The following TMTC2 variants were observed in gnomAD, a reference collection of about 807,000 sequenced individuals.
TMTC2 encodes transmembrane O-mannosyltransferase targeting cadherins 2, also known as protein O-mannosyl-transferase TMTC2.
Under a neutral mutation model 82.4 loss-of-function variants are expected in TMTC2, and 43 were observed. The ratio of observed to expected loss-of-function variants is 0.52; its 90% confidence interval spans 0.41 to 0.67. TMTC2 has a LOEUF of 0.67. Among genes scored for constraint, TMTC2 ranks in the 30% least tolerant of loss-of-function variants. The pLI, the probability that TMTC2 is intolerant of heterozygous loss-of-function variation, is 0.00. For synonymous variants in TMTC2, 408 were observed against 381.9 expected, an observed-to-expected ratio of 1.07 and a Z score of -0.80; for missense variants, 919 against 1,012.4, an observed-to-expected ratio of 0.91 and a Z score of 1.25.
intron 11 of TMTC2, among the ~76,000 whole-genome samples, chr12:83,072,901 A>G (rs2137490875): frequency 6.6e-6 from 1 of 152,192 alleles, no homozygotes; most frequent in East Asian, 1.9e-4. Context: ...TATGTTAAGT[A>G]GTCTCCTGAG....
intron 4 of TMTC2, among the ~76,000 whole-genome samples, chr12:82,942,649 C>A (rs1198250622): frequency 1.3e-5 from 2 of 151,944 alleles, no homozygotes; most frequent in Non-Finnish European, 2.9e-5. Flanking sequence ...TTAAATTATC[C>A]ATTCTTGAGT....
intron 1 of TMTC2, among the ~76,000 whole-genome samples, chr12:82,697,876 G>A (rs1872885203): frequency 1.3e-5 from 2 of 152,148 alleles, no homozygotes; most frequent in Non-Finnish European, 2.9e-5. Context: ...CCCATTTTGA[G>A]GAAATTTGGT....
intron 3 of TMTC2, among the ~76,000 whole-genome samples, chr12:82,919,503 C>G (rs796478318): frequency 9.2e-5 from 14 of 152,172 alleles, no homozygotes; most frequent in African/African-American, 3.4e-4. Flanking sequence ...TCCATCAACT[C>G]AAAAATCCAA....
At chr12:83,030,729 G>C in intron 8 of TMTC2, 69 bp from the exon 9 acceptor site, 1 of 1,248,532 alleles carries the variant, frequency 8.0e-7, no homozygotes, top group Non-Finnish European at 1.2e-6. Context: ...GGCTACTTCA[G>C]TTAGGCCCAG....
At chr12:82,960,829 TAA>T (rs34471312) in intron 4 of TMTC2, among the ~76,000 whole-genome samples, 33 of 151,728 alleles carry the variant, frequency 2.2e-4, no homozygotes, top group Non-Finnish European at 1.8e-4. Flanking sequence ...TTTTTTAATT[TAA>T]AAAAAATGTA....
chr12:82,964,588 A>G (rs1186651512), intron 4 of TMTC2, among the ~76,000 whole-genome samples: 1 of 152,074 alleles, frequency 6.6e-6, no homozygotes, highest in Non-Finnish European at 1.5e-5. Context: ...GCAGCCAAGC[A>G]CCAATATTTC....
chr12:82,885,996 C>T (rs2137163046), intron 2 of TMTC2, among the ~76,000 whole-genome samples: 1 of 152,258 alleles, frequency 6.6e-6, no homozygotes, highest in Non-Finnish European at 1.5e-5. Flanking sequence ...TGTTTCTTCT[C>T]TCATTTATTT....
At chr12:83,122,455 G>T (rs1884982906) in intron 11 of TMTC2, among the ~76,000 whole-genome samples, 2 of 152,100 alleles carry the variant, frequency 1.3e-5, no homozygotes, top group South Asian at 2.1e-4. Flanking sequence ...GCCAGGCAGA[G>T]ATGGCTTGCT....
chr12:82,760,741 A>G, intron 1 of TMTC2: 1 of 238,956 alleles, frequency 4.2e-6, no homozygotes, highest in Non-Finnish European at 8.9e-6. Flanking sequence ...TTCCTGTGAG[A>G]TCAGTGGTGG....
chr12:82,732,945 G>C (rs1874903091), intron 1 of TMTC2, among the ~76,000 whole-genome samples: 1 of 152,154 alleles, frequency 6.6e-6, no homozygotes, highest in Non-Finnish European at 1.5e-5. Context: ...ACTAATGCCA[G>C]CCTCATTGTT....
At chr12:83,113,864 T>C (rs1245169666) in intron 11 of TMTC2, among the ~76,000 whole-genome samples, 1 of 152,252 alleles carries the variant, frequency 6.6e-6, no homozygotes. Context: ...ATGTTTGACC[T>C]GGTCATCCTA....
At chr12:83,037,339 A>G (rs1049509067) in intron 9 of TMTC2, among the ~76,000 whole-genome samples, 4 of 152,188 alleles carry the variant, frequency 2.6e-5, no homozygotes, top group Middle Eastern at 3.2e-3. Context: ...GACTGAGGCT[A>G]TGTTTTATCC....
At chr12:82,934,106 A>G (rs556638566) in intron 4 of TMTC2, among the ~76,000 whole-genome samples, 12 of 152,202 alleles carry the variant, frequency 7.9e-5, no homozygotes, top group Non-Finnish European at 1.3e-4. Context: ...AAGGAAATCT[A>G]TAACACAAGG....
At chr12:82,991,360 T>C (rs1474106166) in intron 8 of TMTC2, among the ~76,000 whole-genome samples, 1 of 152,170 alleles carries the variant, frequency 6.6e-6, no homozygotes, top group Non-Finnish European at 1.5e-5. Flanking sequence ...TATTCCCCCA[T>C]CCTCTTTTTA....
At chr12:83,005,330 C>CA (rs35332002) in intron 8 of TMTC2, among the ~76,000 whole-genome samples, 25,237 of 105,540 alleles carry the variant, frequency 0.24, 2,728 homozygotes, top group Non-Finnish European at 0.26. Flanking sequence ...CTCTGGTCTC[C>CA]AAAAAAAAAA....
chr12:83,044,154 G>A (rs1882002003), intron 9 of TMTC2, among the ~76,000 whole-genome samples: 1 of 152,158 alleles, frequency 6.6e-6, no homozygotes, highest in Non-Finnish European at 1.5e-5. Context: ...AAAATTTCTG[G>A]TGATAAATGC....
chr12:82,764,636 A>T (rs1876842894), intron 1 of TMTC2, among the ~76,000 whole-genome samples: 1 of 152,214 alleles, frequency 6.6e-6, no homozygotes. Flanking sequence ...TGATGAGACA[A>T]GTCTCAATCA....
intron 8 of TMTC2, among the ~76,000 whole-genome samples, chr12:83,018,037 G>T (rs11115524): frequency 6.1e-5 from 7 of 114,736 alleles, no homozygotes; most frequent in South Asian, 3.3e-4. Flanking sequence ...TATATATATT[G>T]TGTGTGTGTA....
chr12:82,700,645 AATAAAG>A (rs1873030348), intron 1 of TMTC2, among the ~76,000 whole-genome samples: 2 of 152,222 alleles, frequency 1.3e-5, no homozygotes, highest in African/African-American at 4.8e-5. Context: ...AAATTTTGCC[AATAAAG>A]TATTTGCAGT....
Sources: allele counts gnomAD v4.1 joint callset (sites outside exome capture counted in the v4.1 genomes callset), GRCh38; gene constraint gnomAD v4.1.1; transcripts MANE v1.5; gene names NCBI Gene and HGNC (gene_info 2026-07-23, HGNC 2026-07-21).